The following DNAH9 variants were observed in gnomAD, a reference collection of about 807,000 sequenced individuals.
The protein encoded by DNAH9 is dynein axonemal heavy chain 9.
A neutral mutation model predicts 471.6 loss-of-function variants in DNAH9; 345 were observed. The observed-to-expected ratio is 0.73, with a 90% CI of 0.67 to 0.80. The LOEUF is 0.80. Among genes scored for constraint, DNAH9 ranks in the 30% least tolerant of loss-of-function variants. The pLI is 0.00. For synonymous variants in DNAH9, 2,093 were observed against 2,123.6 expected (o/e 0.99, Z 0.40); for missense variants, 5,407 against 5,609.2 (o/e 0.96, Z 1.15).
At chr17:11,771,534 A>G (rs8068723) in intron 38 of DNAH9, among the ~76,000 whole-genome samples, 44,727 of 152,122 alleles carry the variant, frequency 0.29, 10,739 homozygotes, top group African/African-American at 0.67. Context: ...TACTCCATGA[A>G]GCCTCAATAC....
At chr17:11,885,106 G>A (rs1972840567) in intron 56 of DNAH9, among the ~76,000 whole-genome samples, 1 of 152,174 alleles carries the variant, frequency 6.6e-6, no homozygotes, top group Non-Finnish European at 1.5e-5. Context: ...GATCCATGAT[G>A]AAAGTTGGAG....
chr17:11,638,588 T>C (rs1440215904), intron 9 of DNAH9, among the ~76,000 whole-genome samples: 3 of 152,146 alleles, frequency 2.0e-5, no homozygotes, highest in Admixed American at 6.5e-5. Context: ...GGTTTCACCA[T>C]GTTGGTCAGG....
chr17:11,762,759 T>G (rs569978376), intron 35 of DNAH9, among the ~76,000 whole-genome samples: 26 of 72,262 alleles, frequency 3.6e-4, no homozygotes, highest in South Asian at 1.0e-3. Flanking sequence ...TTTAGGTGCG[T>G]TTTTTTTTTT....
chr17:11,717,977 A>C (rs2074994250), intron 26 of DNAH9, among the ~76,000 whole-genome samples: 1 of 152,116 alleles, frequency 6.6e-6, no homozygotes, highest in Admixed American at 6.5e-5. Context: ...AGGCTCAAAC[A>C]ATCATTCCAC....
rs369647742 is a variant in DNAH9, at chr17:11,870,760, A to G, written c.10054-838A>G. 2.7e-4 allele frequency among the ~76,000 whole-genome samples: 41 copies of G among 152,248 alleles called. No individual in the cohort carries two copies. The South Asian group carries it at 3.3e-3, about 12-fold the overall frequency. On this transcript the variant is annotated intron_variant, in intron 51 of 68. Transcript: ENST00000262442. ...TGGAGCACTTTCTGAGTCAGTGCTC[A>G]TGGGAGGCAGTGTAGCACTCTGCTC...
rs1321294506 is a variant in DNAH9, at chr17:11,598,536, A to C, written c.38A>C (p.Glu13Ala). ...GAGGAGCGGGCCGCGCTCGCGGCGG[A>C]GAACGCGGATGGGGAACCCGGCGCC... ...LAEERAALAA[E>A]NADGEPGADR... Residue 13 changes from glutamate to alanine, a missense_variant, in exon 1 of 69, where the codon GAG becomes GCG. Glu to Ala is a moderately radical substitution (Grantham distance 107). Transcript: ENST00000262442. The C allele has an allele frequency of 7.4e-7, 1 of 1,347,134 alleles. No individual in the cohort carries two copies. The highest frequency in any genetic ancestry group is 9.6e-7 in the Non-Finnish European group (1 of 1,039,286). The allele number at this position is 1,347,134 out of a possible 1,614,324, so 83.4% of individuals were successfully genotyped here. A position where few individuals can be genotyped will look rare whatever the true frequency, so the allele number is the denominator to read the frequency against.
intron 49 of DNAH9, among the ~76,000 whole-genome samples, chr17:11,846,446 G>A (rs78832772): frequency 0.026 from 3,909 of 150,128 alleles, 167 homozygotes; most frequent in African/African-American, 0.089. Context: ...TGATGCCTCC[G>A]GCTTTGTTCT....
chr17:11,785,208 GTA>G (rs1968819121), intron 41 of DNAH9, among the ~76,000 whole-genome samples: 1 of 151,970 alleles, frequency 6.6e-6, no homozygotes, highest in Admixed American at 6.5e-5. Context: ...GTCAGATGTA[GTA>G]TCCTCATGTA....
intron 38 of DNAH9, among the ~76,000 whole-genome samples, chr17:11,770,461 T>C (rs1212617782): frequency 1.3e-5 from 2 of 152,128 alleles, no homozygotes; most frequent in Admixed American, 1.3e-4. Context: ...GAGCACCACC[T>C]CTGCTCTCTG....
intron 5 of DNAH9, 135 bp from the exon 6 acceptor site, chr17:11,619,413 G>A: frequency 1.5e-6 from 1 of 659,686 alleles, no homozygotes; most frequent in African/African-American, 1.8e-5. Context: ...ATGTGGAATG[G>A]AAAGCGAGGT....
intron 67 of DNAH9, among the ~76,000 whole-genome samples, chr17:11,951,260 AT>A (rs1311479933): frequency 6.6e-6 from 1 of 152,180 alleles, no homozygotes; most frequent in Non-Finnish European, 1.5e-5. Flanking sequence ...TTTAAAAAAT[AT>A]CTGTTGGACT....
intron 39 of DNAH9, 30 bp from the exon 40 acceptor site, chr17:11,783,616 C>G: frequency 6.3e-7 from 1 of 1,578,568 alleles, no homozygotes; most frequent in South Asian, 1.1e-5. Flanking sequence ...TCCTCAGACA[C>G]CTTTCACCTA....
At chr17:11,715,280 T>C (rs564789334) in intron 26 of DNAH9, among the ~76,000 whole-genome samples, 18 of 152,336 alleles carry the variant, frequency 1.2e-4, no homozygotes, top group Non-Finnish European at 1.9e-4. Context: ...CAAGGCACTT[T>C]CAAATATCTT....
intron 49 of DNAH9, among the ~76,000 whole-genome samples, chr17:11,840,564 C>G (rs1296926082): frequency 6.6e-6 from 1 of 152,164 alleles, no homozygotes; most frequent in Non-Finnish European, 1.5e-5. Flanking sequence ...GCCTCTCCCC[C>G]AAAGAGTTCC....
At chr17:11,689,355 G>T (rs2074293065) in intron 19 of DNAH9, among the ~76,000 whole-genome samples, 1 of 126,986 alleles carries the variant, frequency 7.9e-6, no homozygotes, top group Non-Finnish European at 1.6e-5. Context: ...ACCCCAGTCT[G>T]TCCTGAGTGT....
At chr17:11,777,577 TCAC>T (rs111404684) in intron 38 of DNAH9, among the ~76,000 whole-genome samples, 7 of 152,364 alleles carry the variant, frequency 4.6e-5, no homozygotes, top group African/African-American at 1.7e-4. Context: ...ATCAAGCTCA[TCAC>T]AGTTCTGAAT....
intron 67 of DNAH9, among the ~76,000 whole-genome samples, chr17:11,951,475 G>GT (rs1975358462): frequency 6.6e-6 from 1 of 151,972 alleles, no homozygotes; most frequent in Admixed American, 6.6e-5. Context: ...GAGGCCAGGA[G>GT]TTTGAGACCA....
intron 60 of DNAH9, among the ~76,000 whole-genome samples, chr17:11,903,356 A>T (rs1162651400): frequency 2.0e-5 from 3 of 152,020 alleles, no homozygotes; most frequent in East Asian, 1.9e-4. Flanking sequence ...TAAAAAATAA[A>T]AAAAAAAAAG....
At chr17:11,658,372 C>T (rs1049778562) in intron 14 of DNAH9, among the ~76,000 whole-genome samples, 17 of 152,166 alleles carry the variant, frequency 1.1e-4, no homozygotes, top group Admixed American at 7.2e-4. Flanking sequence ...TATTATATTC[C>T]GTGATCTTTC....
Sources: gnomAD v4.1 joint callset for allele counts (sites outside exome capture counted in the v4.1 genomes callset) on GRCh38, gnomAD v4.1.1 for gene constraint, MANE v1.5 for transcripts, NCBI Gene and HGNC (gene_info 2026-07-23, HGNC 2026-07-21) for gene names.